STKLD1: variants seen among roughly 807,000 people sequenced by gnomAD.
STKLD1 encodes serine/threonine kinase-like domain-containing protein STKLD1.
A neutral mutation model predicts 80.4 loss-of-function variants in STKLD1; 79 were observed. That is an observed-to-expected ratio of 0.98 (90% CI 0.82 to 1.19). STKLD1 has a LOEUF of 1.19. Among genes scored for constraint, STKLD1 ranks in the 50% most tolerant of loss-of-function variants. STKLD1 has a pLI of 0.00. For synonymous variants in STKLD1, 393 were observed against 357.6 expected (o/e 1.10, Z -1.12); for missense variants, 841 against 856.0 (o/e 0.98, Z 0.22).
At chr9:133,386,708 G>T (rs963663292) in intron 4 of STKLD1, among the ~76,000 whole-genome samples, 1 of 152,252 alleles carries the variant, frequency 6.6e-6, no homozygotes, top group African/African-American at 2.4e-5. Flanking sequence ...TTTACAAGGA[G>T]CCAGGAGCTT....
At position 133,390,896 on chromosome 9, in the gene STKLD1, C is replaced by A; in HGVS notation, c.583+100C>A. 1 of 874,524 alleles carries A rather than the reference C, an allele frequency of 1.1e-6. No individual in the cohort carries two copies. The highest frequency in any genetic ancestry group is 1.9e-6 in the Non-Finnish European group (1 of 523,662). 54.2% of individuals were successfully genotyped at this position (874,524 alleles called of 1,614,324 possible). ...GCTGGAGTGAGGCAACATCAAACAG[C>A]TGTTTGCTCAGAAGGTCCCCACAAA... On this transcript the variant is annotated intron_variant, in intron 7 of 17. Coordinates refer to ENST00000371957, the MANE Select transcript of STKLD1 (RefSeq NM_153710.5). The surrounding 1 kb of genome is among the most constrained non-coding windows in gnomAD (Gnocchi z 5.1).
At position 133,394,884 on chromosome 9, in the gene STKLD1, T is replaced by C; in HGVS notation, c.702+475T>C. 6.2e-6 allele frequency: 1 copy of C among 162,518 alleles called. No individual in the cohort carries two copies. The highest frequency in any genetic ancestry group is 1.3e-5 in the Non-Finnish European group (1 of 74,152). The allele number at this position is 162,518 out of a possible 1,614,324, so 10.1% of individuals were successfully genotyped here. On this transcript the variant is annotated intron_variant, in intron 8 of 17. Coordinates refer to ENST00000371957, the MANE Select transcript of STKLD1 (RefSeq NM_153710.5). The surrounding 1 kb of genome is among the most constrained non-coding windows in gnomAD (Gnocchi z 4.9). ...TTTCTCTCATCCCTGCTGGGGCCCC[T>C]GCACCATGGCCACAGCCTGTGGGCA...
At chr9:133,400,608 G>A in intron 12 of STKLD1, 79 bp downstream of exon 12, 2 of 1,225,844 alleles carry the variant, frequency 1.6e-6, no homozygotes, top group Non-Finnish European at 2.4e-6. Context: ...GGCCAAGGTG[G>A]GCACCGGGCC....
rs587638753 is a variant in STKLD1 at position 133,402,863 on chromosome 9, C to T, written c.1340-15C>T. 6.3e-6 allele frequency: 10 copies of T among 1,593,874 alleles called. No homozygotes were observed. Among genetic ancestry groups the T allele is most frequent in the Non-Finnish European group, 8.5e-6 (10 of 1,169,954 alleles). On this transcript the variant is annotated splice_polypyrimidine_tract_variant and intron_variant, in intron 13 of 17. Coordinates refer to ENST00000371957, the MANE Select transcript of STKLD1 (RefSeq NM_153710.5). ...AGGGAGGGGCCCTGGGGCCCTCATT[C>T]TGGCTCACCCACAGAGTCAGAGTCA... is the stretch of plus-strand genomic sequence containing the variant.
chr9:133,386,627 A>G (rs2130277881), intron 4 of STKLD1, among the ~76,000 whole-genome samples: 63 of 152,376 alleles, frequency 4.1e-4, no homozygotes, highest in Admixed American at 1.4e-3. Context: ...CCACACAGCT[A>G]GTAAACAGCT....
chr9:133,399,853 T>C (rs1838649889), intron 11 of STKLD1, among the ~76,000 whole-genome samples: 1 of 145,276 alleles, frequency 6.9e-6, no homozygotes, highest in Non-Finnish European at 1.5e-5. Flanking sequence ...CACAACGGCC[T>C]AGGCGACAGA....
chr9:133,404,004 T>C lies in STKLD1; in HGVS notation c.1688T>C (p.Val563Ala). The change falls in exon 16 of 18, where the codon GTG becomes GCG. Residue 563 changes from valine (V) to alanine (A), a missense_variant. Coordinates refer to ENST00000371957, the MANE Select transcript of STKLD1 (RefSeq NM_153710.5). ...CTGTGCCAGGACAGAGCCCTGCTGG[T>C]GAACAATGCCTACCGGGGACTGGCC... ...IRLCQDRALL[V>A]NNAYRGLASL... is the part of the protein sequence containing the mutation. 1 of 1,611,840 alleles carries C rather than the reference T, an allele frequency of 6.2e-7. No individual in the cohort carries two copies. Among genetic ancestry groups the C allele is most frequent in the African/African-American group, 1.3e-5 (1 of 75,006 alleles).
In STKLD1 at chr9:133,389,704, C is replaced by A; in HGVS notation, c.467+108C>A. The A allele has an allele frequency of 6.5e-7, 1 of 1,527,970 alleles. No homozygotes were observed. Among genetic ancestry groups the A allele is most frequent in the Non-Finnish European group, 8.8e-7 (1 of 1,130,326 alleles). 94.7% of individuals were successfully genotyped at this position (1,527,970 alleles called of 1,614,324 possible). On this transcript the variant is annotated intron_variant, in intron 6 of 17. Transcript: ENST00000371957. This position sits in a 1 kb window ranked among gnomAD's most constrained non-coding sequence, Gnocchi z 6.4. ...TGGGCAGGATCTGGGGAGAAAGGTG[C>A]ACCGGGCCAGTGCAGCCAGGATAGG...
At chr9:133,376,614 C>A (rs1588730233) in intron 1 of STKLD1, 54 bp downstream of exon 1, 1 of 1,465,048 alleles carries the variant, frequency 6.8e-7, no homozygotes, top group Middle Eastern at 1.8e-4. Context: ...ACGGTCGCAA[C>A]CCTGGAGCTA....
rs1554778177 is a variant in STKLD1, at chr9:133,403,835, T to C, written c.1603+7T>C. 1 of 1,613,146 alleles carries C rather than the reference T, an allele frequency of 6.2e-7. No homozygotes were observed. Among genetic ancestry groups the C allele is most frequent in the Non-Finnish European group, 8.5e-7 (1 of 1,179,786 alleles). On this transcript the variant is annotated splice_region_variant and intron_variant, in intron 15 of 17. Transcript: ENST00000371957. Reference sequence around the variant, plus strand: ...TGGCTGCTGTCCCTGCTGGGTGAGCTGGGTGGGCGCCCTGGGCCCCTGGGG... The same window carrying C: ...TGGCTGCTGTCCCTGCTGGGTGAGCCGGGTGGGCGCCCTGGGCCCCTGGGG...
Position 133,389,436 on chromosome 9 carries a change from C to A in STKLD1, c.397-90C>A. ...TCTCAAGATGCAAGGAGAGGATACA[C>A]CACCATCCTGCTGGCTGCTCTGAGT... On this transcript the variant is annotated intron_variant, in intron 5 of 17. Coordinates refer to ENST00000371957, the MANE Select transcript of STKLD1 (RefSeq NM_153710.5). The surrounding 1 kb of genome is among the most constrained non-coding windows in gnomAD (Gnocchi z 6.4). 1.3e-6 allele frequency: 2 copies of A among 1,545,796 alleles called. No homozygotes were observed. Among genetic ancestry groups the A allele is most frequent in the Non-Finnish European group, 1.7e-6 (2 of 1,145,398 alleles).
chr9:133,384,151 A>C lies in STKLD1; in HGVS notation c.219+251A>C. 1 of 485,710 alleles carries C rather than the reference A, an allele frequency of 2.1e-6. No individual in the cohort carries two copies. The highest frequency in any genetic ancestry group is 3.7e-6 in the Non-Finnish European group (1 of 269,810). The allele number at this position is 485,710 out of a possible 1,614,324, so 30.1% of individuals were successfully genotyped here. On this transcript the variant is annotated intron_variant, in intron 3 of 17. Coordinates refer to ENST00000371957, the MANE Select transcript of STKLD1 (RefSeq NM_153710.5). The surrounding 1 kb of genome is among the most constrained non-coding windows in gnomAD (Gnocchi z 4.3). ...TGTTCCCAGAGAACATAAAATTTAA[A>C]TATTGGGCTGGGCACGGTGGCTCAC...
intron 16 of STKLD1, 102 bp from the exon 17 acceptor site, chr9:133,404,687 C>T: frequency 1.3e-6 from 2 of 1,497,662 alleles, no homozygotes; most frequent in South Asian, 2.6e-5. Context: ...TGTCCTGTCC[C>T]AGGCCCCTGT....
chr9:133,376,450 GC>G lies in STKLD1; in HGVS notation c.-21del, dbSNP rs2130247871. The G allele has an allele frequency of 2.6e-6, 4 of 1,557,162 alleles. No homozygotes were observed. The Admixed American group carries it at 8.0e-5, about 31-fold the overall frequency. The stretch of plus-strand genomic sequence containing the variant: ...GGGGTGGGGCCAGGGGTGGACGCTC[GC>G]CCGTACGCGGTCGCTACTGATCATG... On this transcript the variant is annotated 5_prime_UTR_variant, in exon 1 of 18. Coordinates refer to ENST00000371957, the MANE Select transcript of STKLD1 (RefSeq NM_153710.5).
intron 5 of STKLD1, 108 bp downstream of exon 5, chr9:133,387,656 C>A (rs1838294779): frequency 1.2e-6 from 1 of 860,978 alleles, no homozygotes; most frequent in Non-Finnish European, 2.0e-6. Flanking sequence ...GGAGTCCAGC[C>A]TTGTTTTTTT....
chr9:133,387,291 A>G (rs2130279102), intron 4 of STKLD1, among the ~76,000 whole-genome samples, 156 bp from the exon 5 acceptor site: 2 of 152,160 alleles, frequency 1.3e-5, no homozygotes, highest in Non-Finnish European at 2.9e-5. Flanking sequence ...AGGAAGCTGA[A>G]GGTGGGGCAG....
At position 133,395,602 on chromosome 9, in the gene STKLD1, C is replaced by A; in HGVS notation, c.705C>A (p.Gly235=). The change falls in exon 9 of 18, where the codon GGC becomes GGA. Residue 235 remains glycine, a splice_region_variant and synonymous_variant. Transcript: ENST00000371957. ...LDMTSCSFMD[G]TEAMHLRKSL... Reference sequence around the variant, plus strand: ...AGAGCTGTCCTCTCTCCGTGCAGGGCACAGAAGCCATGCATCTGCGGAAGT... The same window carrying A: ...AGAGCTGTCCTCTCTCCGTGCAGGGAACAGAAGCCATGCATCTGCGGAAGT... The A allele has an allele frequency of 6.2e-7, 1 of 1,612,762 alleles. No individual in the cohort carries two copies. Among genetic ancestry groups the A allele is most frequent in the South Asian group, 1.1e-5 (1 of 91,074 alleles).
At chr9:133,399,551 G>A (rs587651732) in intron 11 of STKLD1, among the ~76,000 whole-genome samples, 4 of 152,284 alleles carry the variant, frequency 2.6e-5, no homozygotes, top group South Asian at 2.1e-4. Flanking sequence ...CCCACCACCC[G>A]GAGCCACACC....
intron 2 of STKLD1, among the ~76,000 whole-genome samples, chr9:133,381,532 C>G (rs1838134691): frequency 6.7e-6 from 1 of 149,104 alleles, no homozygotes; most frequent in African/African-American, 2.5e-5. Flanking sequence ...CACACTGCAA[C>G]CCCCTTCTCC....
Sources: gnomAD v4.1 joint callset for allele counts (sites outside exome capture counted in the v4.1 genomes callset) on GRCh38, gnomAD v4.1.1 for gene constraint, Gnocchi (gnomAD v3.1) non-coding constraint, MANE v1.5 for transcripts, NCBI Gene and HGNC (gene_info 2026-07-23, HGNC 2026-07-21) for gene names.